SPICE1: variants seen among roughly 807,000 people sequenced by gnomAD.
The protein encoded by SPICE1 is spindle and centriole associated protein 1, also known as spindle and centriole-associated protein 1.
A neutral mutation model predicts 102.7 loss-of-function variants in SPICE1; 75 were observed. The ratio of observed to expected loss-of-function variants is 0.73; its 90% CI spans 0.61 to 0.88. SPICE1 has a LOEUF of 0.88. Among genes scored for constraint, SPICE1 ranks in the 40% least tolerant of loss-of-function variants. The pLI is 0.00. For missense variants in SPICE1, 979 were observed against 1,020.1 expected (o/e 0.96, Z 0.55); for synonymous variants, 308 against 350.3 (o/e 0.88, Z 1.35).
chr3:113,458,710 C>T (rs1935847127), intron 12 of SPICE1, among the ~76,000 whole-genome samples: 2 of 151,894 alleles, frequency 1.3e-5, no homozygotes, highest in South Asian at 4.2e-4. Context: ...GCCCGGCCGC[C>T]CAGTCTGGGA....
At chr3:113,496,420 C>CAA (rs5851896) in intron 4 of SPICE1, among the ~76,000 whole-genome samples, 7 of 150,632 alleles carry the variant, frequency 4.6e-5, no homozygotes, top group Admixed American at 1.3e-4. Flanking sequence ...CCAGTCTCTA[C>CAA]AAAAAAAAAG....
chr3:113,493,177 G>A, intron 6 of SPICE1, 29 bp downstream of exon 6: 4 of 1,472,414 alleles, frequency 2.7e-6, no homozygotes, highest in Non-Finnish European at 3.7e-6. Context: ...TTCAGCATGA[G>A]TGTTATAGCT....
intron 1 of SPICE1, among the ~76,000 whole-genome samples, chr3:113,512,964 G>T (rs937518211): frequency 5.9e-5 from 9 of 152,142 alleles, no homozygotes; most frequent in African/African-American, 1.9e-4. Flanking sequence ...GTCTAATATG[G>T]TGCCAGCTCT....
chr3:113,506,659 T>C (rs1937119008), intron 1 of SPICE1, 54 bp from the exon 2 acceptor site: 5 of 1,366,298 alleles, frequency 3.7e-6, no homozygotes, highest in Admixed American at 1.8e-5. Flanking sequence ...ACAATAAGCA[T>C]CACCAGAGTG....
chr3:113,451,346 A>G (rs918581149), intron 14 of SPICE1, among the ~76,000 whole-genome samples: 2 of 152,258 alleles, frequency 1.3e-5, no homozygotes, highest in Non-Finnish European at 2.9e-5. Flanking sequence ...TGCTTATGTC[A>G]TTCCTAATTA....
At chr3:113,448,287 C>CT (rs79613651) in intron 15 of SPICE1, 147 bp from the exon 16 acceptor site, 20,643 of 470,748 alleles carry the variant, frequency 0.044, no homozygotes, top group East Asian at 0.051. Context: ...ACTTGAAAGA[C>CT]TTTTTTTTTT....
intron 7 of SPICE1, among the ~76,000 whole-genome samples, chr3:113,475,347 C>T (rs1420197057): frequency 6.6e-6 from 1 of 152,124 alleles, no homozygotes; most frequent in Non-Finnish European, 1.5e-5. Context: ...CCAAATTCTA[C>T]CAGAGGTACA....
intron 7 of SPICE1, among the ~76,000 whole-genome samples, chr3:113,470,119 T>C (rs545584535): frequency 1.0e-3 from 154 of 152,344 alleles, no homozygotes; most frequent in South Asian, 6.2e-3. Context: ...ACTGTCTCAT[T>C]TGTCTATTTC....
At chr3:113,496,608 G>C (rs1445327161) in intron 4 of SPICE1, among the ~76,000 whole-genome samples, 2 of 152,098 alleles carry the variant, frequency 1.3e-5, no homozygotes, top group Non-Finnish European at 2.9e-5. Flanking sequence ...CCATGGCATG[G>C]GTACATCTTA....
chr3:113,449,690 G>C (rs1056636088), intron 15 of SPICE1: 31 of 152,274 alleles, frequency 2.0e-4, no homozygotes, highest in African/African-American at 7.5e-4. Context: ...GGTACATGGA[G>C]CTTTTTCTAT....
In SPICE1 at chr3:113,453,660, G is replaced by C. The variant is rs1450348497; in HGVS notation, c.1948C>G (p.Leu650Val). The change falls in exon 14 of 18, where the codon CTG (leucine) becomes GTG (valine). Residue 650 changes from leucine to valine, a missense_variant. Leu to Val is a conservative substitution (Grantham distance 32). Transcript: ENST00000295872. ...SPTFSEELPV[L>V]GDGQQLRTNE... ...GTTCTCAGCTGCTGCCCATCTCCCA[G>C]TACTGGGAGCTCTTCTGAGAATGTG... The C allele has an allele frequency of 6.2e-7, 1 of 1,614,098 alleles. No homozygotes were observed. Among genetic ancestry groups the C allele is most frequent in the East Asian group, 2.2e-5 (1 of 44,876 alleles).
intron 14 of SPICE1, among the ~76,000 whole-genome samples, chr3:113,450,911 A>G (rs543468469): frequency 1.3e-5 from 2 of 152,338 alleles, no homozygotes; most frequent in African/African-American, 4.8e-5. Flanking sequence ...TAGTGAGCAC[A>G]CAATAGAATT....
intron 12 of SPICE1, chr3:113,459,663 C>T: frequency 1.1e-6 from 1 of 916,238 alleles, no homozygotes; most frequent in East Asian, 1.2e-4. Context: ...GCAGGCGGAT[C>T]ATGAAGTCAG....
At chr3:113,461,272 CTA>C (rs1430209012) in intron 11 of SPICE1, among the ~76,000 whole-genome samples, 1 of 151,260 alleles carries the variant, frequency 6.6e-6, no homozygotes, top group African/African-American at 2.4e-5. Context: ...AGAGATAACA[CTA>C]TATTTTATAT....
intron 1 of SPICE1, among the ~76,000 whole-genome samples, chr3:113,507,699 T>C (rs368932920): frequency 1.8e-4 from 28 of 152,298 alleles, no homozygotes; most frequent in African/African-American, 5.8e-4. Context: ...TTTATGATGG[T>C]AATGATGATG....
intron 1 of SPICE1, among the ~76,000 whole-genome samples, chr3:113,510,027 C>T (rs777414868): frequency 2.0e-5 from 3 of 152,146 alleles, no homozygotes; most frequent in Non-Finnish European, 4.4e-5. Flanking sequence ...TACCCAGTCT[C>T]GAGTATTTCT....
At chr3:113,479,676 GAA>G (rs1936445704) in intron 7 of SPICE1, among the ~76,000 whole-genome samples, 1 of 152,070 alleles carries the variant, frequency 6.6e-6, no homozygotes, top group African/African-American at 2.4e-5. Context: ...AAGTAAACAT[GAA>G]AATATAAACT....
intron 7 of SPICE1, among the ~76,000 whole-genome samples, chr3:113,484,271 CT>C (rs1320768918): frequency 5.3e-5 from 8 of 152,096 alleles, no homozygotes; most frequent in Non-Finnish European, 4.4e-5. Flanking sequence ...ATTCTTCTCT[CT>C]TTTTTTCTTT....
intron 7 of SPICE1, among the ~76,000 whole-genome samples, chr3:113,478,576 T>C (rs1936416570): frequency 6.6e-6 from 1 of 152,188 alleles, no homozygotes; most frequent in Admixed American, 6.6e-5. Context: ...GAATCACTTT[T>C]ATAAGAAAGG....
Sources: allele counts gnomAD v4.1 joint callset (sites outside exome capture counted in the v4.1 genomes callset), GRCh38; gene constraint gnomAD v4.1.1; transcripts MANE v1.5; gene names NCBI Gene and HGNC (gene_info 2026-07-23, HGNC 2026-07-21).